SAMD4A: variants seen among roughly 807,000 people sequenced by gnomAD.
The protein encoded by SAMD4A is sterile alpha motif domain containing 4A.
Under a neutral mutation model 81.3 loss-of-function variants are expected in SAMD4A, and 33 were observed. The observed-to-expected ratio is 0.41, with a 90% confidence interval of 0.31 to 0.54. The LOEUF is 0.54. Ranked by LOEUF, SAMD4A falls within the 20% of genes least tolerant of loss-of-function variation. The probability of loss-of-function intolerance (pLI) is 0.37; values close to 1 mark genes in which losing one functional copy is unlikely to be tolerated. For synonymous variants in SAMD4A, 389 were observed against 382.1 expected (o/e 1.02, Z -0.21); for missense variants, 854 against 951.1 (o/e 0.90, Z 1.34).
intron 2 of SAMD4A, among the ~76,000 whole-genome samples, chr14:54,676,218 G>T (rs2035990283): frequency 6.6e-6 from 1 of 152,012 alleles, no homozygotes; most frequent in African/African-American, 2.4e-5. Flanking sequence ...CTCTCATTTT[G>T]GTATTAAAAG....
At chr14:54,681,929 CT>C in intron 2 of SAMD4A, 1 of 985,408 alleles carries the variant, frequency 1.0e-6, no homozygotes, top group East Asian at 1.1e-4. Flanking sequence ...CAATATCCCA[CT>C]TTAGGAGGAA....
chr14:54,677,934 TTC>T (rs2036027270), intron 2 of SAMD4A, among the ~76,000 whole-genome samples: 1 of 152,246 alleles, frequency 6.6e-6, no homozygotes, highest in South Asian at 2.1e-4. Context: ...CATTCATTCA[TTC>T]TGTCTGTCTG....
At chr14:54,713,830 T>C (rs2037052420) in intron 3 of SAMD4A, among the ~76,000 whole-genome samples, 1 of 152,228 alleles carries the variant, frequency 6.6e-6, no homozygotes, top group Admixed American at 6.5e-5. Flanking sequence ...TGAGGCAGTC[T>C]TGATTAAGAA....
Position 54,774,956 on chromosome 14 carries a change from T to G in SAMD4A, c.1738T>G (p.Ser580Ala). ...CAGTCGAGGCTTTGGGCAATCCAAC[T>G]CCCTCCCGACGGCTGGCTCTGTGGG... Reference protein sequence around the residue: ...QRNRGFGQSNSLPTAGSVGGG... With the variant: ...QRNRGFGQSNALPTAGSVGGG... The change falls in exon 10 of 13, where the codon TCC becomes GCC. Residue 580 changes from serine (S) to alanine (A), a missense_variant. Ser to Ala is a moderately conservative substitution (Grantham distance 99, BLOSUM62 1). This residue lies in a region of SAMD4A where 428 missense variants were observed against 471.2 expected (regional missense o/e 0.91). Coordinates refer to ENST00000554335, the MANE Select transcript of SAMD4A (RefSeq NM_015589.6). 1 of 1,614,084 alleles carries G rather than the reference T, an allele frequency of 6.2e-7. No individual in the cohort carries two copies.
chr14:54,788,860 C>T, intron 12 of SAMD4A, 56 bp from the exon 13 acceptor site: 2 of 1,611,698 alleles, frequency 1.2e-6, no homozygotes, highest in South Asian at 2.2e-5. Context: ...CATAGGTGGG[C>T]ACGAACTGGA....
chr14:54,633,967 C>T (rs1013091607), intron 2 of SAMD4A, among the ~76,000 whole-genome samples: 1 of 151,844 alleles, frequency 6.6e-6, no homozygotes, highest in Non-Finnish European at 1.5e-5. Flanking sequence ...CAGTATTTGG[C>T]ACATAATAGA....
At chr14:54,748,953 G>A in intron 5 of SAMD4A, 29 bp downstream of exon 5, 1 of 1,498,104 alleles carries the variant, frequency 6.7e-7, no homozygotes, top group Non-Finnish European at 9.1e-7. Flanking sequence ...TGTTCCCTGA[G>A]AGGGTGCCCC....
At chr14:54,602,323 T>TACACACACACACACAC (rs3049830) in intron 2 of SAMD4A, among the ~76,000 whole-genome samples, 2 of 136,558 alleles carry the variant, frequency 1.5e-5, no homozygotes, top group Non-Finnish European at 3.2e-5. Flanking sequence ...TGCTTTAAAA[T>TACACACACACACACAC]ACACACACAC....
chr14:54,584,154 G>T (rs2033551909), intron 2 of SAMD4A, among the ~76,000 whole-genome samples: 1 of 152,128 alleles, frequency 6.6e-6, no homozygotes, highest in Admixed American at 6.5e-5. Flanking sequence ...TTCTATACAT[G>T]TAACAGGTGG....
chr14:54,704,507 T>A (rs1157353371), intron 3 of SAMD4A, among the ~76,000 whole-genome samples: 12 of 152,242 alleles, frequency 7.9e-5, no homozygotes, highest in Admixed American at 4.6e-4. Flanking sequence ...AAGATGGTTA[T>A]CAGGTTGTAG....
intron 11 of SAMD4A, among the ~76,000 whole-genome samples, chr14:54,776,999 C>T (rs1020741935): frequency 6.6e-6 from 1 of 152,210 alleles, no homozygotes; most frequent in Non-Finnish European, 1.5e-5. Context: ...CTTTCCTTTA[C>T]TTGGTTAAAG....
At position 54,568,091 on chromosome 14, in the gene SAMD4A, G is replaced by C. The variant is rs2032994297; in HGVS notation, c.175G>C (p.Glu59Gln). The stretch of plus-strand genomic sequence containing the variant: ...CGACTGCGCCGAGCTGCACGTCCTC[G>C]AACGCGAGGCCAACAGCCCCGGTAA... ...LADCAELHVL[E>Q]REANSPGIIN... The change falls in exon 2 of 13, where the codon GAA becomes CAA. Residue 59 changes from glutamate to glutamine, a missense_variant. This residue lies in a region of SAMD4A where 387 missense variants were observed against 405.8 expected (regional missense o/e 0.95). Coordinates refer to ENST00000554335, the MANE Select transcript of SAMD4A (RefSeq NM_015589.6). 6.4e-7 allele frequency: 1 copy of C among 1,559,842 alleles called. No homozygotes were observed. Among genetic ancestry groups the C allele is most frequent in the Non-Finnish European group, 8.6e-7 (1 of 1,161,168 alleles).
chr14:54,669,849 G>A lies in SAMD4A; in HGVS notation c.197-32213G>A, dbSNP rs561816567. On this transcript the variant is annotated intron_variant, in intron 2 of 12. Transcript: ENST00000554335. ...GGGAACGCTTTGCACCAAGAATCCC[G>A]GAGTGAATCGAATAATATTCCAGAT... Among the ~76,000 whole-genome samples the A allele has an allele frequency of 5.9e-5, 9 of 152,240 alleles. No homozygotes were observed. The East Asian group carries it at 7.7e-4, about 13-fold the overall frequency.
Position 54,770,203 on chromosome 14 carries a change from G to A in SAMD4A, c.1696G>A (p.Gly566Arg). The A allele has an allele frequency of 6.2e-7, 1 of 1,610,624 alleles. No homozygotes were observed. The highest frequency in any genetic ancestry group is 2.2e-5 in the East Asian group (1 of 44,852). The change falls in exon 9 of 13, where the codon GGA (glycine) becomes AGA (arginine). Residue 566 changes from glycine to arginine, a missense_variant. This residue lies in a region of SAMD4A where 428 missense variants were observed against 471.2 expected (regional missense o/e 0.91). Transcript: ENST00000554335. ...FPRKTLLDIS[G>R]YRQQRNRGFG... ...TCGGAAAACCCTTCTAGACATATCA[G>A]GATATCGACAGCAAAGAAAGTATGT... is the stretch of plus-strand genomic sequence containing the variant.
At chr14:54,780,617 A>G (rs2038975737) in intron 11 of SAMD4A, among the ~76,000 whole-genome samples, 1 of 152,128 alleles carries the variant, frequency 6.6e-6, no homozygotes, top group African/African-American at 2.4e-5. Flanking sequence ...AGGGAGATTG[A>G]TAAATAAATC....
chr14:54,629,805 G>A (rs2034849725), intron 2 of SAMD4A, among the ~76,000 whole-genome samples: 1 of 152,062 alleles, frequency 6.6e-6, no homozygotes, highest in African/African-American at 2.4e-5. Context: ...TTGCAAAAAT[G>A]AAACTGTGTG....
chr14:54,681,201 C>G (rs955885252), intron 2 of SAMD4A, among the ~76,000 whole-genome samples: 1 of 151,310 alleles, frequency 6.6e-6, no homozygotes, highest in Non-Finnish European at 1.5e-5. Context: ...CCCAACCCCC[C>G]AACCGTGTGT....
intron 2 of SAMD4A, among the ~76,000 whole-genome samples, chr14:54,596,705 A>G (rs994873034): frequency 3.3e-5 from 5 of 152,218 alleles, no homozygotes; most frequent in Admixed American, 6.5e-5. Context: ...CGACGGGGAG[A>G]TGCCCCAGCC....
chr14:54,695,338 C>G (rs1461010179), intron 2 of SAMD4A, among the ~76,000 whole-genome samples: 1 of 152,208 alleles, frequency 6.6e-6, no homozygotes, highest in Non-Finnish European at 1.5e-5. Flanking sequence ...GGAGCCACTT[C>G]CAAGCTCACT....
Sources: allele counts gnomAD v4.1 joint callset (sites outside exome capture counted in the v4.1 genomes callset), GRCh38; gene constraint gnomAD v4.1.1; regional missense constraint gnomAD v4.1.1; transcripts MANE v1.5; gene names NCBI Gene and HGNC (gene_info 2026-07-23, HGNC 2026-07-21).